Variants in FAM162A observed in about 807,000 individuals in gnomAD.
FAM162A encodes the protein protein FAM162A.
Under a neutral mutation model 21.8 loss-of-function variants are expected in FAM162A, and 23 were observed. The ratio of observed to expected loss-of-function variants is 1.05; its 90% CI spans 0.76 to 1.49. The LOEUF is 1.49. FAM162A is among the 40% of genes most tolerant of loss of function. The pLI is 0.00. For missense variants in FAM162A, 165 were observed against 186.4 expected, an observed-to-expected ratio of 0.89 and a Z score of 0.67; for synonymous variants, 53 against 61.3, an observed-to-expected ratio of 0.86 and a Z score of 0.64.
intron 1 of FAM162A, among the ~76,000 whole-genome samples, chr3:122,398,995 C>T (rs2075641482): frequency 6.6e-6 from 1 of 152,066 alleles, no homozygotes; most frequent in African/African-American, 2.4e-5. Flanking sequence ...AAACTTATGT[C>T]ACAGAGGTTT....
chr3:122,390,290 AG>A (rs35018313), intron 1 of FAM162A, among the ~76,000 whole-genome samples: 33,372 of 152,062 alleles, frequency 0.22, 4,187 homozygotes, highest in Non-Finnish European at 0.27. Context: ...TATTTCTTCA[AG>A]CCTGCAGGGA....
chr3:122,405,454 T>C (rs1430459893), intron 3 of FAM162A, among the ~76,000 whole-genome samples: 1 of 152,240 alleles, frequency 6.6e-6, no homozygotes, highest in Non-Finnish European at 1.5e-5. Context: ...CCCTGGTTTT[T>C]CTTAGCTCAA....
intron 1 of FAM162A, among the ~76,000 whole-genome samples, chr3:122,390,637 A>G (rs115751486): frequency 0.017 from 2,649 of 152,274 alleles, 92 homozygotes; most frequent in African/African-American, 0.059. Context: ...GCTAGCAATG[A>G]TATTTCTAAG....
intron 1 of FAM162A, among the ~76,000 whole-genome samples, chr3:122,399,922 G>A (rs1379350101): frequency 6.6e-6 from 1 of 152,094 alleles, no homozygotes; most frequent in Non-Finnish European, 1.5e-5. Context: ...TGGCCAACAT[G>A]GTAAAACCCC....
chr3:122,401,612 A>G, intron 1 of FAM162A: 1 of 1,076,148 alleles, frequency 9.3e-7, no homozygotes, highest in Non-Finnish European at 1.2e-6. Context: ...TGTTGGAAGT[A>G]TAGTCTGATT....
At chr3:122,386,734 A>C (rs566321983) in intron 1 of FAM162A, among the ~76,000 whole-genome samples, 14 of 152,158 alleles carry the variant, frequency 9.2e-5, no homozygotes, top group Non-Finnish European at 2.1e-4. Context: ...CTTAGCAAAC[A>C]ATATAGCAAA....
At chr3:122,406,841 C>T (rs2075678122) in intron 3 of FAM162A, among the ~76,000 whole-genome samples, 1 of 152,102 alleles carries the variant, frequency 6.6e-6, no homozygotes, top group South Asian at 2.1e-4. Flanking sequence ...TATCTGTTGT[C>T]GAGATGTTTT....
intron 1 of FAM162A, among the ~76,000 whole-genome samples, chr3:122,389,642 T>C (rs1305124107): frequency 6.6e-6 from 1 of 152,208 alleles, no homozygotes; most frequent in Non-Finnish European, 1.5e-5. Flanking sequence ...TGTCGGGTTT[T>C]ATACAGCTAT....
intron 3 of FAM162A, 71 bp from the exon 4 acceptor site, chr3:122,407,210 C>A: frequency 2.4e-6 from 3 of 1,243,722 alleles, no homozygotes; most frequent in Admixed American, 3.9e-5. Context: ...TTATACACAG[C>A]CTTTTATCCT....
At chr3:122,390,931 A>G (rs2075601538) in intron 1 of FAM162A, among the ~76,000 whole-genome samples, 1 of 152,210 alleles carries the variant, frequency 6.6e-6, no homozygotes, top group Non-Finnish European at 1.5e-5. Flanking sequence ...GCCAGGGACA[A>G]GCTGTTAAGT....
intron 2 of FAM162A, among the ~76,000 whole-genome samples, chr3:122,403,602 T>C (rs1161103157): frequency 2.0e-5 from 3 of 152,216 alleles, no homozygotes; most frequent in Non-Finnish European, 4.4e-5. Flanking sequence ...CAGCAAATCT[T>C]TAAGTAGTAT....
chr3:122,389,381 G>GGATAGATAGATA (rs61431402), intron 1 of FAM162A, among the ~76,000 whole-genome samples: 131 of 145,344 alleles, frequency 9.0e-4, no homozygotes, highest in East Asian at 2.5e-3. Context: ...TAGTATAGAT[G>GGATAGATAGATA]GATAGATAGA....
In FAM162A at chr3:122,384,252, A is replaced by C. The variant is rs753560564; in HGVS notation, c.-14A>C. 1 of 1,569,796 alleles carries C rather than the reference A, an allele frequency of 6.4e-7. No individual in the cohort carries two copies. The highest frequency in any genetic ancestry group is 2.4e-5 in the East Asian group (1 of 42,486). On this transcript the variant is annotated 5_prime_UTR_variant, in exon 1 of 5. Transcript: ENST00000477892. Reference sequence around the variant, plus strand: ...GGCGAAGTTCTGCGCTGGTCGGCGGAGTAGCAAGTGGCCATGGGGAGCCTC... The same window carrying C: ...GGCGAAGTTCTGCGCTGGTCGGCGGCGTAGCAAGTGGCCATGGGGAGCCTC...
At chr3:122,403,302 C>T (rs1467576098) in intron 2 of FAM162A, among the ~76,000 whole-genome samples, 1 of 152,222 alleles carries the variant, frequency 6.6e-6, no homozygotes, top group Non-Finnish European at 1.5e-5. Context: ...GTCATGGGCA[C>T]ATGCACAGTG....
intron 1 of FAM162A, among the ~76,000 whole-genome samples, chr3:122,394,680 G>GA (rs1318630562): frequency 3.3e-5 from 5 of 152,162 alleles, no homozygotes; most frequent in Admixed American, 3.3e-4. Context: ...GGCCCAGATG[G>GA]CTTCAATTGT....
At chr3:122,390,893 T>G (rs2075601346) in intron 1 of FAM162A, among the ~76,000 whole-genome samples, 1 of 152,170 alleles carries the variant, frequency 6.6e-6, no homozygotes. Context: ...AACTTCCTGC[T>G]AGGGCCCTGG....
chr3:122,392,676 C>G lies in FAM162A; in HGVS notation c.34+8377C>G, dbSNP rs77185726. On this transcript the variant is annotated intron_variant, in intron 1 of 4. Coordinates refer to ENST00000477892, the MANE Select transcript of FAM162A (RefSeq NM_014367.4). ...TGATTTGTGTTTTAACAAGGCATTC[C>G]TCTGATTCACACCAAACACTAAAAC... Among the ~76,000 whole-genome samples, 7 of 152,192 alleles carry G rather than the reference C, an allele frequency of 4.6e-5. No individual in the cohort carries two copies. In the East Asian group the frequency reaches 1.4e-3, roughly 29 times the overall value.
intron 1 of FAM162A, among the ~76,000 whole-genome samples, chr3:122,399,091 A>G (rs1421476356): frequency 6.6e-6 from 1 of 151,868 alleles, no homozygotes; most frequent in Non-Finnish European, 1.5e-5. Context: ...ACCACCCACA[A>G]CCCTCAGGTA....
intron 3 of FAM162A, among the ~76,000 whole-genome samples, chr3:122,406,050 C>T (rs2075675208): frequency 6.6e-6 from 1 of 152,174 alleles, no homozygotes; most frequent in African/African-American, 2.4e-5. Context: ...TGCAACATCC[C>T]AGACTCTTTG....
Sources: allele counts gnomAD v4.1 joint callset (sites outside exome capture counted in the v4.1 genomes callset), GRCh38; gene constraint gnomAD v4.1.1; transcripts MANE v1.5; gene names NCBI Gene and HGNC (gene_info 2026-07-23, HGNC 2026-07-21).